Variants in NUP214 observed in about 807,000 individuals in gnomAD.
NUP214 encodes the protein nuclear pore complex protein Nup214.
In NUP214, 79 loss-of-function variants were observed where a neutral mutation model predicts 196.2. That is an observed-to-expected ratio of 0.40 (90% CI 0.34 to 0.49). The LOEUF is 0.49. Ranked by LOEUF, NUP214 falls within the 20% of genes least tolerant of loss-of-function variation. The pLI, the probability that NUP214 is intolerant of heterozygous loss-of-function variation, is 0.58. For synonymous variants in NUP214, 1,020 were observed against 990.5 expected (o/e 1.03, Z -0.56); for missense variants, 2,468 against 2,539.0 (o/e 0.97, Z 0.60).
chr9:131,129,209 A>G lies in NUP214; in HGVS notation c.394-70A>G, dbSNP rs1191554780. On this transcript the variant is annotated intron_variant, in intron 3 of 35. Transcript: ENST00000359428. ...ATACCTTGTGTATTCAGTAATTTCCATTGAATATTAAATGTTTCTGCATTT... is the reference window on the plus strand; with the variant it reads ...ATACCTTGTGTATTCAGTAATTTCCGTTGAATATTAAATGTTTCTGCATTT... 6.9e-6 allele frequency: 9 copies of G among 1,304,416 alleles called. No individual in the cohort carries two copies. In the Admixed American group the frequency reaches 1.6e-4, roughly 24 times the overall value. The allele number at this position is 1,304,416 out of a possible 1,614,324, so 80.8% of individuals were successfully genotyped here. A position where few individuals can be genotyped will look rare whatever the true frequency, so the allele number is the denominator to read the frequency against.
intron 33 of NUP214, chr9:131,229,903 C>T (rs1834829569): frequency 2.5e-6 from 1 of 393,106 alleles, no homozygotes; most frequent in Non-Finnish European, 5.0e-6. Flanking sequence ...CAGGTGCTGC[C>T]CCTTCTCCCA....
chr9:131,129,523 C>A, intron 4 of NUP214, 46 bp downstream of exon 4: 1 of 1,558,918 alleles, frequency 6.4e-7, no homozygotes, highest in South Asian at 1.1e-5. Context: ...TCATGGTCAT[C>A]TACTTAAGAA....
At chr9:131,210,332 A>C (rs1028617795) in intron 30 of NUP214, among the ~76,000 whole-genome samples, 2 of 152,206 alleles carry the variant, frequency 1.3e-5, no homozygotes, top group East Asian at 3.8e-4. Flanking sequence ...TGGAAGCTTA[A>C]AAAAACCAAT....
chr9:131,223,771 G>T (rs1423388917), intron 32 of NUP214, among the ~76,000 whole-genome samples: 2 of 27,126 alleles, frequency 7.4e-5, no homozygotes, highest in Non-Finnish European at 1.7e-4. Context: ...GTCTCGCTCT[G>T]TCGCCCAGGC....
At chr9:131,180,748 A>G (rs909292441) in intron 24 of NUP214, among the ~76,000 whole-genome samples, 13 of 152,184 alleles carry the variant, frequency 8.5e-5, no homozygotes, top group East Asian at 3.8e-4. Context: ...GGTACTAGAG[A>G]TAGGGTAGTT....
intron 17 of NUP214, among the ~76,000 whole-genome samples, chr9:131,155,117 A>G (rs1363463070): frequency 6.6e-6 from 1 of 152,184 alleles, no homozygotes; most frequent in Non-Finnish European, 1.5e-5. Flanking sequence ...CAGCAGTGTA[A>G]AAGTGTTCCC....
At chr9:131,138,616 A>G (rs1831811822) in intron 9 of NUP214, among the ~76,000 whole-genome samples, 2 of 152,212 alleles carry the variant, frequency 1.3e-5, no homozygotes, top group Non-Finnish European at 2.9e-5. Flanking sequence ...TGATTTTAAA[A>G]ACCAAGAGTC....
chr9:131,201,576 CAACAA>C (rs745481850), intron 29 of NUP214, 66 bp from the exon 30 acceptor site: 44 of 982,694 alleles, frequency 4.5e-5, no homozygotes, highest in Non-Finnish European at 5.2e-5. Context: ...AAAAAAAAAA[CAACAA>C]AACTTTAATG....
chr9:131,221,476 G>C (rs1834553948), intron 31 of NUP214, among the ~76,000 whole-genome samples: 1 of 152,204 alleles, frequency 6.6e-6, no homozygotes, highest in African/African-American at 2.4e-5. Context: ...ATTAACCATG[G>C]TGGCTCTCCT....
At chr9:131,139,255 CTT>C (rs200377608) in intron 9 of NUP214, 24 bp from the exon 10 acceptor site, 69,029 of 1,052,590 alleles carry the variant, frequency 0.066, no homozygotes, top group East Asian at 0.084. Context: ...TCTTCTTCTT[CTT>C]TTTTTTTTTT....
intron 30 of NUP214, among the ~76,000 whole-genome samples, chr9:131,206,162 T>TTTTTTTTTTTTTTTTTTG (rs71372703): frequency 7.9e-6 from 1 of 126,340 alleles, no homozygotes; most frequent in South Asian, 2.5e-4. Flanking sequence ...TTTTTTTTTT[T>TTTTTTTTTTTTTTTTTTG]GAGACAGGGT....
intron 33 of NUP214, chr9:131,228,571 G>T: frequency 2.6e-6 from 1 of 389,722 alleles, no homozygotes; most frequent in Non-Finnish European, 4.6e-6. Flanking sequence ...TATGAGAAAT[G>T]CTGGTCATCA....
Position 131,189,255 on chromosome 9 carries a change from T to C in NUP214, c.3574+124T>C, listed in dbSNP as rs899851270. The C allele has an allele frequency of 3.9e-6, 3 of 773,594 alleles. No individual in the cohort carries two copies. The East Asian group carries it at 7.4e-5, about 19-fold the overall frequency. 47.9% of individuals were successfully genotyped at this position (773,594 alleles called of 1,614,324 possible). Reference sequence around the variant, plus strand: ...GTCACATTTGATGAGATCGGGAGCATTCAGGGTAGTATGACCATAGACAAG... The same window carrying C: ...GTCACATTTGATGAGATCGGGAGCACTCAGGGTAGTATGACCATAGACAAG... On this transcript the variant is annotated intron_variant, in intron 26 of 35. Transcript: ENST00000359428.
chr9:131,217,875 G>T (rs139571326), intron 31 of NUP214, among the ~76,000 whole-genome samples: 124 of 152,304 alleles, frequency 8.1e-4, no homozygotes, highest in Non-Finnish European at 1.5e-3. Flanking sequence ...TGGTTTGCAC[G>T]GACACATGAG....
Position 131,198,665 on chromosome 9 carries a change from C to A in NUP214, c.5171C>A (p.Thr1724Lys), listed in dbSNP as rs2131047715. The A allele has an allele frequency of 1.9e-6, 3 of 1,614,240 alleles. No homozygotes were observed. The South Asian group carries it at 3.3e-5, about 18-fold the overall frequency. The change falls in exon 29 of 36, where the codon ACA becomes AAA. Residue 1724 changes from threonine to lysine, a missense_variant. Physicochemically the swap from Thr to Lys is moderately conservative, Grantham distance 78. Transcript: ENST00000359428. Reference protein sequence around the residue: ...GTTAPGVFGQTTFGQASVFGQ... With the variant: ...GTTAPGVFGQKTFGQASVFGQ... ...ACAGCCCCAGGGGTCTTTGGACAGA[C>A]AACCTTCGGGCAGGCCTCAGTCTTT...
chr9:131,159,339 T>G, intron 17 of NUP214, 44 bp from the exon 18 acceptor site: 1 of 1,421,900 alleles, frequency 7.0e-7, no homozygotes, highest in Non-Finnish European at 9.9e-7. Flanking sequence ...TCCCCCAAAC[T>G]ATCAGAAAAA....
intron 24 of NUP214, among the ~76,000 whole-genome samples, chr9:131,184,326 G>A (rs1415898913): frequency 3.7e-5 from 5 of 136,518 alleles, no homozygotes; most frequent in Non-Finnish European, 6.2e-5. Context: ...CACTGCAGCC[G>A]GCCTCTCTCT....
chr9:131,130,788 G>T lies in NUP214; in HGVS notation c.615G>T (p.Lys205Asn), dbSNP rs768876405. Residue 205 changes from lysine to asparagine, a missense_variant, in exon 5 of 36, where the codon AAG becomes AAT. By Grantham distance (94) the Lys-to-Asn change is moderately conservative. Coordinates refer to ENST00000359428, the MANE Select transcript of NUP214 (RefSeq NM_005085.4). ...VTSVCWSPKG[K>N]QLAVGKQNGT... is the part of the protein sequence containing the mutation. ...CAGTGTGCTGGAGCCCCAAAGGAAA[G>T]CAGCTGGCAGTGGGAAAACAGAATG... The T allele has an allele frequency of 6.2e-7, 1 of 1,614,164 alleles. No individual in the cohort carries two copies. Among genetic ancestry groups the T allele is most frequent in the Non-Finnish European group, 8.5e-7 (1 of 1,180,012 alleles).
Position 131,150,771 on chromosome 9 carries a change from T to A in NUP214, c.2277+6T>A, listed in dbSNP as rs1564186291. ...AGATTAAAGAGACCACAGAGGTTTG[T>A]GTTTATGGATACTTTTCCTGAGTTG... On this transcript the variant is annotated splice_donor_region_variant and intron_variant, in intron 16 of 35. Transcript: ENST00000359428. 1.9e-6 allele frequency: 3 copies of A among 1,600,900 alleles called. No homozygotes were observed. Among genetic ancestry groups the A allele is most frequent in the Non-Finnish European group, 2.6e-6 (3 of 1,176,322 alleles).
Sources: allele counts gnomAD v4.1 joint callset (sites outside exome capture counted in the v4.1 genomes callset), GRCh38; gene constraint gnomAD v4.1.1; transcripts MANE v1.5; gene names NCBI Gene and HGNC (gene_info 2026-07-23, HGNC 2026-07-21).